Variants in CDYL observed in about 807,000 individuals in gnomAD.
CDYL encodes chromodomain Y-like protein.
In CDYL, 8 loss-of-function variants were observed where a neutral mutation model predicts 47.3. The observed-to-expected ratio is 0.17, with a 90% CI of 0.10 to 0.31. The LOEUF (loss-of-function observed/expected upper bound fraction) is 0.31, where lower values mean the gene tolerates loss of function less well. Among genes scored for constraint, CDYL ranks in the 10% least tolerant of loss-of-function variants. The pLI, the probability that CDYL is intolerant of heterozygous loss-of-function variation, is 1.00. For synonymous variants in CDYL, 266 were observed against 265.0 expected (o/e 1.00, Z -0.04); for missense variants, 471 against 701.4 (o/e 0.67, Z 3.71).
chr6:4,839,608 TGAG>T (rs547506196), intron 1 of CDYL, among the ~76,000 whole-genome samples: 15 of 152,226 alleles, frequency 9.9e-5, no homozygotes, highest in Non-Finnish European at 2.1e-4. Flanking sequence ...AGATGAGAGA[TGAG>T]GATCCAGTTT....
intron 1 of CDYL, among the ~76,000 whole-genome samples, chr6:4,808,068 T>C (rs1461946802): frequency 6.6e-6 from 1 of 152,200 alleles, no homozygotes; most frequent in African/African-American, 2.4e-5. Context: ...TATTTTCAGC[T>C]ACCACAGGAC....
intron 2 of CDYL, among the ~76,000 whole-genome samples, chr6:4,920,009 T>C (rs1293064670): frequency 1.3e-5 from 2 of 152,174 alleles, no homozygotes; most frequent in African/African-American, 2.4e-5. Flanking sequence ...GAATGGAATA[T>C]GAATCAGCCT....
chr6:4,930,065 T>C (rs987924126), intron 2 of CDYL, among the ~76,000 whole-genome samples: 4 of 152,204 alleles, frequency 2.6e-5, no homozygotes, highest in African/African-American at 9.7e-5. Context: ...ATTCTAGAGC[T>C]AGATTAGTTC....
chr6:4,942,583 T>A (rs1758392138), intron 4 of CDYL, among the ~76,000 whole-genome samples: 1 of 152,232 alleles, frequency 6.6e-6, no homozygotes, highest in Admixed American at 6.5e-5. Context: ...ATCTTGTGTT[T>A]CTTCTTTTCT....
chr6:4,829,508 C>A (rs1367678561), intron 1 of CDYL, among the ~76,000 whole-genome samples: 1 of 152,228 alleles, frequency 6.6e-6, no homozygotes, highest in Non-Finnish European at 1.5e-5. Flanking sequence ...AGCCGAGAAA[C>A]TTCTCAGGTC....
intron 2 of CDYL, among the ~76,000 whole-genome samples, chr6:4,908,437 T>G (rs1015439946): frequency 2.6e-5 from 4 of 152,300 alleles, no homozygotes; most frequent in South Asian, 2.1e-4. Flanking sequence ...AGGTTTGTTT[T>G]AGAAATTTGC....
At chr6:4,846,446 C>T (rs1027593285) in intron 1 of CDYL, among the ~76,000 whole-genome samples, 10 of 152,264 alleles carry the variant, frequency 6.6e-5, no homozygotes, top group African/African-American at 2.2e-4. Flanking sequence ...TTACACTATA[C>T]ATGACAAAAT....
chr6:4,749,200 C>A (rs184543877), intron 3 of CDYL, among the ~76,000 whole-genome samples: 1 of 152,174 alleles, frequency 6.6e-6, no homozygotes, highest in African/African-American at 2.4e-5. Context: ...AAGCAATAGG[C>A]CTGGGAGGCA....
intron 3 of CDYL, among the ~76,000 whole-genome samples, chr6:4,770,052 T>C (rs1561842506): frequency 6.6e-6 from 1 of 151,812 alleles, no homozygotes; most frequent in Non-Finnish European, 1.5e-5. Flanking sequence ...AGCCAGGATA[T>C]GGTCTCAATC....
At position 4,940,969 on chromosome 6, in the gene CDYL, G is replaced by A. The variant is rs568094040; in HGVS notation, c.1122-2577G>A. Among the ~76,000 whole-genome samples the A allele has an allele frequency of 4.6e-5, 7 of 152,298 alleles. No homozygotes were observed. In the East Asian group the frequency reaches 5.8e-4, roughly 13 times the overall value. ...CCCTGCTGCCTCCTTCTCCCCAAAC[G>A]TTCCTTTGACAGTCCCTACATCTTA... is the stretch of plus-strand genomic sequence containing the variant. On this transcript the variant is annotated intron_variant, in intron 4 of 6. Coordinates refer to ENST00000397588, the MANE Select transcript of CDYL (RefSeq NM_004824.4).
chr6:4,829,631 G>A (rs560584139), intron 1 of CDYL, among the ~76,000 whole-genome samples: 173 of 152,254 alleles, frequency 1.1e-3, no homozygotes, highest in African/African-American at 3.9e-3. Context: ...CTTTTCTGGG[G>A]GTGCCTGTGG....
chr6:4,899,009 G>T (rs368731360), intron 2 of CDYL, among the ~76,000 whole-genome samples: 1 of 152,154 alleles, frequency 6.6e-6, no homozygotes, highest in Non-Finnish European at 1.5e-5. Context: ...TCAAAGTAGA[G>T]CAAAACTTAG....
intron 1 of CDYL, 25 bp downstream of exon 1, chr6:4,776,832 G>A (rs1407280760): frequency 5.4e-6 from 5 of 922,096 alleles, no homozygotes; most frequent in East Asian, 1.1e-4. Flanking sequence ...CCCGGCCTCG[G>A]GCCGCCCCCC....
chr6:4,938,871 C>T (rs1758281416), intron 4 of CDYL, among the ~76,000 whole-genome samples: 2 of 152,166 alleles, frequency 1.3e-5, no homozygotes, highest in South Asian at 4.1e-4. Flanking sequence ...CTTAATTCGT[C>T]TAAAATCATA....
intron 1 of CDYL, among the ~76,000 whole-genome samples, chr6:4,819,162 CTG>C (rs374323088): frequency 0.023 from 2,602 of 110,928 alleles, 48 homozygotes; most frequent in African/African-American, 0.029. Flanking sequence ...CTCTCTCTCT[CTG>C]TGTGTGTGTG....
intron 2 of CDYL, among the ~76,000 whole-genome samples, chr6:4,909,047 A>G (rs1757327072): frequency 6.6e-6 from 1 of 152,348 alleles, no homozygotes; most frequent in South Asian, 2.1e-4. Context: ...AGTCATAGAC[A>G]CACCGTGCCT....
At chr6:4,943,239 G>A (rs886763759) in intron 4 of CDYL, among the ~76,000 whole-genome samples, 1 of 152,108 alleles carries the variant, frequency 6.6e-6, no homozygotes, top group Non-Finnish European at 1.5e-5. Context: ...AAGATGTGTT[G>A]TTTATAGAGC....
chr6:4,765,568 GTT>G (rs35200907), intron 3 of CDYL, among the ~76,000 whole-genome samples: 5 of 143,506 alleles, frequency 3.5e-5, no homozygotes, highest in Non-Finnish European at 1.5e-5. Flanking sequence ...TTTGTTTCCC[GTT>G]TTTTTTTTTT....
chr6:4,917,179 G>A (rs983650853), intron 2 of CDYL, among the ~76,000 whole-genome samples: 1 of 152,202 alleles, frequency 6.6e-6, no homozygotes, highest in Non-Finnish European at 1.5e-5. Context: ...CTATGTGTGT[G>A]TTGGCTTGTT....
Sources: gnomAD v4.1 joint callset for allele counts (sites outside exome capture counted in the v4.1 genomes callset) on GRCh38, gnomAD v4.1.1 for gene constraint, MANE v1.5 for transcripts, NCBI Gene and HGNC (gene_info 2026-07-23, HGNC 2026-07-21) for gene names.